CTNNBIP1: variants seen among roughly 807,000 people sequenced by gnomAD.
The protein encoded by CTNNBIP1 is beta-catenin-interacting protein 1.
A neutral mutation model predicts 11.8 loss-of-function variants in CTNNBIP1; 7 were observed. That is an observed-to-expected ratio of 0.60 (90% CI 0.34 to 1.12). The LOEUF (loss-of-function observed/expected upper bound fraction) is 1.12, where lower values mean the gene tolerates loss of function less well. Among genes scored for constraint, CTNNBIP1 ranks in the 50% most tolerant of loss-of-function variants. CTNNBIP1 has a pLI of 0.03. For synonymous variants in CTNNBIP1, 58 were observed against 43.9 expected, an observed-to-expected ratio of 1.32 and a Z score of -1.26; for missense variants, 101 against 113.4, an observed-to-expected ratio of 0.89 and a Z score of 0.50.
intron 5 of CTNNBIP1, among the ~76,000 whole-genome samples, chr1:9,852,528 C>A (rs1638413905): frequency 6.6e-6 from 1 of 152,192 alleles, no homozygotes. Context: ...CAGGAACATT[C>A]TGTTTTCGCC....
chr1:9,855,065 G>A (rs1638473259), intron 5 of CTNNBIP1, among the ~76,000 whole-genome samples: 1 of 152,068 alleles, frequency 6.6e-6, no homozygotes, highest in African/African-American at 2.4e-5. Context: ...TTATATACTA[G>A]CAATGAACAA....
In CTNNBIP1 at chr1:9,875,084, T is replaced by TC. The variant is rs555063762; in HGVS notation, c.-25+2820dup. 1.8e-3 allele frequency among the ~76,000 whole-genome samples: 276 copies of TC among 152,094 alleles called. 3 individuals carry two copies. Among genetic ancestry groups the TC allele is most frequent in the Non-Finnish European group, 2.4e-3 (160 of 67,974 alleles). ...ACACAAAAGCGCCAGCGTTGCTTCC[T>TC]CCCCACCCCCAGCAGGTTCTCCCAG... is the stretch of plus-strand genomic sequence containing the variant. On this transcript the variant is annotated intron_variant, in intron 3 of 5. Coordinates refer to ENST00000377263, the MANE Select transcript of CTNNBIP1 (RefSeq NM_020248.3).
chr1:9,852,685 A>G (rs1440977446), intron 5 of CTNNBIP1, among the ~76,000 whole-genome samples: 2 of 152,212 alleles, frequency 1.3e-5, no homozygotes, highest in African/African-American at 4.8e-5. Context: ...CAGCTTGCTA[A>G]TCAGAAGGGG....
At chr1:9,877,536 T>C (rs1638994692) in intron 3 of CTNNBIP1, among the ~76,000 whole-genome samples, 1 of 152,234 alleles carries the variant, frequency 6.6e-6, no homozygotes, top group Admixed American at 6.5e-5. Flanking sequence ...CACTCGTCTT[T>C]TGTTTTGTCC....
rs1638889556 is a variant in CTNNBIP1 at position 9,872,689 on chromosome 1, G to A, written c.-24-601C>T. Among the ~76,000 whole-genome samples, 1 of 152,134 alleles carries A rather than the reference G, an allele frequency of 6.6e-6. No individual in the cohort carries two copies. Among genetic ancestry groups the A allele is most frequent in the African/African-American group, 2.4e-5 (1 of 41,434 alleles). On this transcript the variant is annotated intron_variant, in intron 3 of 5. Coordinates refer to ENST00000377263, the MANE Select transcript of CTNNBIP1 (RefSeq NM_020248.3). This position sits in a 1 kb window ranked among gnomAD's most constrained non-coding sequence, Gnocchi z 4.0. ...GAAAGACGCTGGCCCAGGGTTGCAG[G>A]GCTTGCTACCTCAGCCCTCACAAAC...
rs79348600 is a variant in CTNNBIP1 at position 9,868,523 on chromosome 1, C to T, written c.187+2664G>A. On this transcript the variant is annotated intron_variant, in intron 5 of 5. Coordinates refer to ENST00000377263, the MANE Select transcript of CTNNBIP1 (RefSeq NM_020248.3). Reference sequence around the variant, plus strand: ...CCTAAAAATATTTTTTTTAACTTTCCCTTATGACAAAGAAACAAATGTACA... The same window carrying T: ...CCTAAAAATATTTTTTTTAACTTTCTCTTATGACAAAGAAACAAATGTACA... 5.6e-3 allele frequency among the ~76,000 whole-genome samples: 846 copies of T among 152,226 alleles called. 13 individuals are homozygous for T. Among genetic ancestry groups the T allele is most frequent in the African/African-American group, 0.02 (814 of 41,526 alleles).
intron 1 of CTNNBIP1, among the ~76,000 whole-genome samples, chr1:9,897,184 G>A (rs1179983507): frequency 6.6e-6 from 1 of 152,046 alleles, no homozygotes; most frequent in African/African-American, 2.4e-5. Context: ...GCCAGGCACG[G>A]TGGCTCAGGC....
At chr1:9,905,486 G>A (rs958582584) in intron 1 of CTNNBIP1, among the ~76,000 whole-genome samples, 1 of 151,102 alleles carries the variant, frequency 6.6e-6, no homozygotes, top group Admixed American at 6.6e-5. Flanking sequence ...GCAGTGGCAC[G>A]ATCTTGGCTC....
intron 5 of CTNNBIP1, among the ~76,000 whole-genome samples, chr1:9,854,294 G>C (rs565942272): frequency 1.3e-5 from 2 of 151,792 alleles, no homozygotes; most frequent in East Asian, 1.9e-4. Context: ...CTTGAACCTG[G>C]GAGGTGGAGG....
At chr1:9,855,961 C>G (rs1638493547) in intron 5 of CTNNBIP1, among the ~76,000 whole-genome samples, 1 of 151,968 alleles carries the variant, frequency 6.6e-6, no homozygotes, top group South Asian at 2.1e-4. Flanking sequence ...GCCTGATCAA[C>G]ATGGTGAAAC....
intron 1 of CTNNBIP1, among the ~76,000 whole-genome samples, chr1:9,908,372 T>C (rs921389937): frequency 2.7e-3 from 4 of 1,462 alleles, no homozygotes; most frequent in Admixed American, 0.034. Context: ...CACAGATTCT[T>C]TTTTTTTTTT....
At chr1:9,875,150 G>A (rs939366868) in intron 3 of CTNNBIP1, among the ~76,000 whole-genome samples, 20 of 152,248 alleles carry the variant, frequency 1.3e-4, no homozygotes, top group African/African-American at 4.3e-4. Flanking sequence ...GTCCTTAGCC[G>A]ACGTGGGAAG....
chr1:9,881,641 A>C (rs1414209003), intron 2 of CTNNBIP1, among the ~76,000 whole-genome samples: 2 of 152,164 alleles, frequency 1.3e-5, no homozygotes, highest in Non-Finnish European at 2.9e-5. Flanking sequence ...GCTGGGCCCC[A>C]GCCTTGAAAT....
intron 1 of CTNNBIP1, among the ~76,000 whole-genome samples, chr1:9,906,589 T>A (rs1639625417): frequency 6.6e-6 from 1 of 152,058 alleles, no homozygotes; most frequent in Non-Finnish European, 1.5e-5. Flanking sequence ...AGAGCTACAC[T>A]TCATATTTGC....
At chr1:9,895,098 A>G (rs546396500) in intron 1 of CTNNBIP1, among the ~76,000 whole-genome samples, 12 of 151,024 alleles carry the variant, frequency 7.9e-5, no homozygotes, top group South Asian at 6.3e-4. Context: ...TAGTAGAGAC[A>G]GGGTTTCACC....
At chr1:9,902,279 G>C in intron 1 of CTNNBIP1, among the ~76,000 whole-genome samples, 1 of 152,274 alleles carries the variant, frequency 6.6e-6, no homozygotes, top group East Asian at 1.9e-4. Flanking sequence ...CAGAGACAAG[G>C]TCTGGCGCCT....
At chr1:9,857,138 A>G (rs892095949) in intron 5 of CTNNBIP1, among the ~76,000 whole-genome samples, 1 of 150,812 alleles carries the variant, frequency 6.6e-6, no homozygotes, top group Non-Finnish European at 1.5e-5. Flanking sequence ...AAAACAAAAC[A>G]AAACAAAAAA....
chr1:9,909,976 G>A (rs1639702519), intron 1 of CTNNBIP1, 119 bp downstream of exon 1: 2 of 151,714 alleles, frequency 1.3e-5, no homozygotes, highest in Non-Finnish European at 2.9e-5. Context: ...TCCGAGCGGG[G>A]TCGGGGGCGC....
intron 3 of CTNNBIP1, among the ~76,000 whole-genome samples, chr1:9,877,169 A>C (rs1017583432): frequency 2.6e-5 from 4 of 152,204 alleles, no homozygotes; most frequent in South Asian, 4.1e-4. Context: ...GAGGTAGTGC[A>C]AGAGGGACCT....
Sources: gnomAD v4.1 joint callset for allele counts (sites outside exome capture counted in the v4.1 genomes callset) on GRCh38, gnomAD v4.1.1 for gene constraint, Gnocchi (gnomAD v3.1) non-coding constraint, MANE v1.5 for transcripts, NCBI Gene and HGNC (gene_info 2026-07-23, HGNC 2026-07-21) for gene names.